The following DGKI variants were observed in gnomAD, a reference collection of about 807,000 sequenced individuals.
DGKI encodes DAG kinase iota.
In DGKI, 55 loss-of-function variants were observed where a neutral mutation model predicts 147.5. The observed-to-expected ratio is 0.37, with a 90% CI of 0.30 to 0.47. The LOEUF (loss-of-function observed/expected upper bound fraction) is 0.47, where lower values mean the gene tolerates loss of function less well. Ranked by LOEUF, DGKI falls within the 20% of genes least tolerant of loss-of-function variation. DGKI has a pLI of 1.00. For missense variants in DGKI, 1,007 were observed against 1,323.8 expected, an observed-to-expected ratio of 0.76 and a Z score of 3.71; for synonymous variants, 469 against 477.1, an observed-to-expected ratio of 0.98 and a Z score of 0.22.
intron 6 of DGKI, among the ~76,000 whole-genome samples, chr7:137,642,532 G>A (rs927881374): frequency 3.3e-5 from 5 of 152,132 alleles, no homozygotes; most frequent in African/African-American, 1.2e-4. Flanking sequence ...TTGAACTTGA[G>A]CATTTTGGCT....
At chr7:137,808,013 C>CA (rs1482905278) in intron 1 of DGKI, among the ~76,000 whole-genome samples, 1 of 152,218 alleles carries the variant, frequency 6.6e-6, no homozygotes, top group Non-Finnish European at 1.5e-5. Context: ...CTTTCATTCC[C>CA]ATTGGCTTAC....
chr7:137,474,668 A>T (rs937003863), intron 23 of DGKI, among the ~76,000 whole-genome samples: 1 of 152,198 alleles, frequency 6.6e-6, no homozygotes, highest in African/African-American at 2.4e-5. Flanking sequence ...AAGAATTGAG[A>T]TGCCAAAAAA....
intron 1 of DGKI, among the ~76,000 whole-genome samples, chr7:137,761,766 G>A (rs1369856866): frequency 6.6e-6 from 1 of 152,104 alleles, no homozygotes; most frequent in Non-Finnish European, 1.5e-5. Context: ...TAGATGGTGG[G>A]CCCACAAATC....
chr7:137,445,360 A>G (rs1213895826), intron 27 of DGKI, among the ~76,000 whole-genome samples: 2 of 152,200 alleles, frequency 1.3e-5, no homozygotes, highest in Non-Finnish European at 2.9e-5. Flanking sequence ...TGAAAACTAC[A>G]GAGTCCCAAG....
intron 1 of DGKI, among the ~76,000 whole-genome samples, chr7:137,812,714 A>C (rs748695214): frequency 2.2e-4 from 33 of 152,346 alleles, no homozygotes; most frequent in Non-Finnish European, 4.7e-4. Context: ...TATTGAGGCC[A>C]AGAGATTTTA....
chr7:137,606,065 A>G (rs1161071832), intron 10 of DGKI, among the ~76,000 whole-genome samples: 1 of 152,216 alleles, frequency 6.6e-6, no homozygotes, highest in African/African-American at 2.4e-5. Flanking sequence ...TAGCATATGT[A>G]CTCCATAAGT....
At chr7:137,579,090 CAACTT>C (rs1398488440) in intron 15 of DGKI, among the ~76,000 whole-genome samples, 2 of 152,106 alleles carry the variant, frequency 1.3e-5, no homozygotes, top group African/African-American at 2.4e-5. Flanking sequence ...GCATAATTCT[CAACTT>C]AAAAGTATTA....
intron 1 of DGKI, among the ~76,000 whole-genome samples, chr7:137,747,786 G>A (rs1795384267): frequency 1.3e-5 from 2 of 152,096 alleles, no homozygotes; most frequent in African/African-American, 4.8e-5. Flanking sequence ...TAGATGGGAT[G>A]GCAGCACAAC....
intron 24 of DGKI, among the ~76,000 whole-genome samples, chr7:137,468,689 C>G (rs1814755749): frequency 6.6e-6 from 1 of 152,136 alleles, no homozygotes; most frequent in African/African-American, 2.4e-5. Context: ...CAGTTAAAAC[C>G]CTTACATTGC....
At chr7:137,541,859 C>A (rs535651731) in intron 20 of DGKI, among the ~76,000 whole-genome samples, 1 of 151,492 alleles carries the variant, frequency 6.6e-6, no homozygotes, top group South Asian at 2.1e-4. Context: ...AGTACTTTAA[C>A]GTAATACCAA....
intron 21 of DGKI, among the ~76,000 whole-genome samples, chr7:137,514,640 T>G (rs549937942): frequency 1.3e-5 from 2 of 152,298 alleles, no homozygotes; most frequent in East Asian, 3.9e-4. Flanking sequence ...TTTACCAAGT[T>G]GCCAAGGTCA....
At chr7:137,471,661 A>G (rs1378333233) in intron 23 of DGKI, among the ~76,000 whole-genome samples, 3 of 152,070 alleles carry the variant, frequency 2.0e-5, no homozygotes, top group Non-Finnish European at 4.4e-5. Flanking sequence ...AAAGTTACCG[A>G]ACAAAAGGAT....
At chr7:137,756,874 A>G (rs563597980) in intron 1 of DGKI, among the ~76,000 whole-genome samples, 49 of 152,166 alleles carry the variant, frequency 3.2e-4, no homozygotes, top group Middle Eastern at 3.2e-3. Context: ...AAGGACCACT[A>G]ATACCTACCC....
intron 20 of DGKI, among the ~76,000 whole-genome samples, chr7:137,541,764 T>C (rs1345930763): frequency 6.6e-6 from 1 of 151,408 alleles, no homozygotes; most frequent in Non-Finnish European, 1.5e-5. Flanking sequence ...TCAAAATAGA[T>C]CACAGAACTA....
rs943922753 is a variant in DGKI, at chr7:137,600,050, G to A, written c.1168-145C>T. ...TGTAATCCCAGCACCTTGGAAGGCT[G>A]ACGCAGGTGGATCACTTGAGCCCAG... On this transcript the variant is annotated intron_variant, in intron 10 of 32. Transcript: ENST00000614521. The A allele has an allele frequency of 1.4e-5, 9 of 663,534 alleles. No individual in the cohort carries two copies. In the African/African-American group the frequency reaches 1.6e-4, roughly 12 times the overall value. 41.1% of individuals were successfully genotyped at this position (663,534 alleles called of 1,614,324 possible). A position where few individuals can be genotyped will look rare whatever the true frequency, so the allele number is the denominator to read the frequency against.
chr7:137,717,443 T>G (rs576941719), intron 1 of DGKI, among the ~76,000 whole-genome samples: 92 of 152,312 alleles, frequency 6.0e-4, no homozygotes, highest in African/African-American at 2.1e-3. Context: ...AAATAAAATC[T>G]AAGAGTAAGT....
chr7:137,747,911 T>C (rs1275367339), intron 1 of DGKI, among the ~76,000 whole-genome samples: 1 of 152,214 alleles, frequency 6.6e-6, no homozygotes, highest in Non-Finnish European at 1.5e-5. Flanking sequence ...CCAGGACTTG[T>C]TATGGCAACA....
intron 2 of DGKI, among the ~76,000 whole-genome samples, chr7:137,679,628 CA>C (rs1311221881): frequency 6.6e-6 from 1 of 152,018 alleles, no homozygotes; most frequent in Non-Finnish European, 1.5e-5. Flanking sequence ...TTTTATTCAT[CA>C]GATGTACATG....
intron 1 of DGKI, among the ~76,000 whole-genome samples, chr7:137,718,409 C>T (rs1794447122): frequency 6.6e-6 from 1 of 152,106 alleles, no homozygotes. Context: ...GTGTAATGGG[C>T]ATGCCAAACA....
Sources: gnomAD v4.1 joint callset for allele counts (sites outside exome capture counted in the v4.1 genomes callset) on GRCh38, gnomAD v4.1.1 for gene constraint, MANE v1.5 for transcripts, NCBI Gene and HGNC (gene_info 2026-07-23, HGNC 2026-07-21) for gene names.